STPG2: variants seen among roughly 807,000 people sequenced by gnomAD.
STPG2 encodes the protein sperm-tail PG-rich repeat-containing protein 2.
In STPG2, 56 loss-of-function variants were observed where a neutral mutation model predicts 54.2. That is an observed-to-expected ratio of 1.03 (90% confidence interval 0.83 to 1.29). STPG2 has a LOEUF of 1.29. Ranked by LOEUF, STPG2 falls within the 50% of genes most tolerant of loss-of-function variation. STPG2 has a pLI of 0.00. For synonymous variants in STPG2, 200 were observed against 181.8 expected (o/e 1.10, Z -0.81); for missense variants, 596 against 544.9 (o/e 1.09, Z -0.93).
intron 6 of STPG2, among the ~76,000 whole-genome samples, chr4:97,976,013 C>T (rs1734486242): frequency 1.3e-5 from 2 of 152,262 alleles, no homozygotes; most frequent in South Asian, 4.1e-4. Flanking sequence ...CTTTGGTTCA[C>T]TCCAGATCTA....
At chr4:97,679,083 C>T (rs1248641265) in intron 10 of STPG2, among the ~76,000 whole-genome samples, 4 of 152,120 alleles carry the variant, frequency 2.6e-5, no homozygotes, top group African/African-American at 9.7e-5. Flanking sequence ...CTGCAATAAA[C>T]ATACGTGTGC....
chr4:97,782,500 T>C (rs1342390140), intron 9 of STPG2, among the ~76,000 whole-genome samples: 6 of 152,222 alleles, frequency 3.9e-5, no homozygotes, highest in Non-Finnish European at 5.9e-5. Flanking sequence ...ATGGCGATAC[T>C]GACCAAGGTA....
intron 8 of STPG2, among the ~76,000 whole-genome samples, chr4:97,923,649 T>C (rs1030790699): frequency 8.6e-5 from 13 of 152,026 alleles, no homozygotes; most frequent in African/African-American, 2.7e-4. Flanking sequence ...GTCTAGCTAA[T>C]CTGTTGGGTA....
intron 9 of STPG2, among the ~76,000 whole-genome samples, chr4:97,839,784 G>A (rs1728741878): frequency 6.6e-6 from 1 of 151,664 alleles, no homozygotes; most frequent in South Asian, 2.1e-4. Context: ...CTGGATCTCA[G>A]GCTGTCCAAG....
At chr4:97,763,145 G>T (rs1425629116) in intron 9 of STPG2, among the ~76,000 whole-genome samples, 1 of 152,092 alleles carries the variant, frequency 6.6e-6, no homozygotes, top group Admixed American at 6.6e-5. Flanking sequence ...GGAGGATGTA[G>T]CTAACATATA....
intron 8 of STPG2, among the ~76,000 whole-genome samples, chr4:97,889,716 T>C (rs1405516490): frequency 6.6e-6 from 1 of 152,144 alleles, no homozygotes; most frequent in East Asian, 1.9e-4. Context: ...GGTCAAATGC[T>C]GCAAAATTTC....
chr4:97,558,467 A>C (rs1025449581), downstream of STPG2, among the ~76,000 whole-genome samples: 2 of 152,182 alleles, frequency 1.3e-5, no homozygotes, highest in Admixed American at 1.3e-4. Context: ...GCCTGACTTC[A>C]CTTATTCAAA....
At chr4:97,810,238 G>A (rs1727692979) in intron 9 of STPG2, among the ~76,000 whole-genome samples, 1 of 152,124 alleles carries the variant, frequency 6.6e-6, no homozygotes, top group Non-Finnish European at 1.5e-5. Flanking sequence ...GGCCAAGGCA[G>A]GTGGATCACG....
intron 5 of STPG2, among the ~76,000 whole-genome samples, chr4:98,064,818 A>G (rs541554734): frequency 6.6e-6 from 1 of 152,252 alleles, no homozygotes; most frequent in African/African-American, 2.4e-5. Flanking sequence ...GATTCAACAC[A>G]TGATGACCTT....
chr4:98,004,664 T>A (rs976942526), intron 5 of STPG2, among the ~76,000 whole-genome samples: 1 of 152,194 alleles, frequency 6.6e-6, no homozygotes, highest in Admixed American at 6.5e-5. Flanking sequence ...TCATTTGACT[T>A]TTTGATAATA....
chr4:97,843,175 G>GTATT (rs1553918003), intron 8 of STPG2, among the ~76,000 whole-genome samples: 2 of 147,876 alleles, frequency 1.4e-5, no homozygotes, highest in Non-Finnish European at 3.0e-5. Context: ...TTTTTTGGTG[G>GTATT]TTTTTTTTTT....
intron 8 of STPG2, among the ~76,000 whole-genome samples, chr4:97,891,034 C>T (rs1441239279): frequency 1.3e-5 from 2 of 151,434 alleles, no homozygotes; most frequent in African/African-American, 4.8e-5. Flanking sequence ...AGAACTGAAA[C>T]CAAAAAGTGC....
intron 5 of STPG2, among the ~76,000 whole-genome samples, chr4:98,095,267 A>T (rs144031392): frequency 2.0e-3 from 300 of 152,294 alleles, no homozygotes; most frequent in African/African-American, 7.1e-3. Context: ...GGAAGAGAAG[A>T]CCACAAAACA....
chr4:98,054,943 CT>C (rs1276997405), intron 5 of STPG2, among the ~76,000 whole-genome samples: 1 of 152,136 alleles, frequency 6.6e-6, no homozygotes, highest in Non-Finnish European at 1.5e-5. Context: ...GCACTTAACC[CT>C]TTACTCTCCA....
At chr4:98,058,362 G>A (rs1259938381) in intron 5 of STPG2, among the ~76,000 whole-genome samples, 1 of 152,100 alleles carries the variant, frequency 6.6e-6, no homozygotes. Context: ...AAGGATGGAG[G>A]AAAATCTACC....
chr4:97,906,901 G>T lies in STPG2; in HGVS notation c.1044+36996C>A, dbSNP rs560737169. 2.6e-3 allele frequency among the ~76,000 whole-genome samples: 392 copies of T among 152,110 alleles called. 4 individuals carry two copies. Among genetic ancestry groups the T allele is most frequent in the African/African-American group, 8.8e-3 (367 of 41,488 alleles). ...AAGAGCTATCTATGACAAACCCACAGCCAATCTCATACTGAATGGGCAAAA... is the reference window on the plus strand; with the variant it reads ...AAGAGCTATCTATGACAAACCCACATCCAATCTCATACTGAATGGGCAAAA... On this transcript the variant is annotated intron_variant, in intron 8 of 10. Coordinates refer to ENST00000295268, the MANE Select transcript of STPG2 (RefSeq NM_174952.3).
At chr4:97,546,061 G>T (rs58996528) in intron 4 of STPG2, among the ~76,000 whole-genome samples, 10,251 of 151,900 alleles carry the variant, frequency 0.067, 975 homozygotes, top group African/African-American at 0.21. Flanking sequence ...TACTAAGGTG[G>T]TCAACTTAGT....
In STPG2 at chr4:97,674,278, AAAAAAGAGAAG is replaced by A. The variant is rs372625311; in HGVS notation, c.1320+38410_1320+38420del. On this transcript the variant is annotated intron_variant, in intron 10 of 10. Coordinates refer to ENST00000295268, the MANE Select transcript of STPG2 (RefSeq NM_174952.3). Reference sequence around the variant, plus strand: ...ATTTTTTGAGTCATTGATGATACTGAAAAAAGAGAAGAAAAAGAGAAGAAACAAAAGCAGAA... The same window carrying A: ...ATTTTTTGAGTCATTGATGATACTGAAAAAAGAGAAGAAACAAAAGCAGAA... 3.6e-3 allele frequency among the ~76,000 whole-genome samples: 555 copies of A among 152,320 alleles called. 5 individuals carry two copies. The highest frequency in any genetic ancestry group is 0.013 in the African/African-American group (528 of 41,566).
intron 10 of STPG2, among the ~76,000 whole-genome samples, chr4:97,575,137 G>A (rs1161355103): frequency 6.6e-6 from 1 of 151,680 alleles, no homozygotes; most frequent in Admixed American, 6.6e-5. Context: ...AATTGAATCA[G>A]TGATAAAAAA....
Sources: allele counts gnomAD v4.1 joint callset (sites outside exome capture counted in the v4.1 genomes callset), GRCh38; gene constraint gnomAD v4.1.1; transcripts MANE v1.5; gene names NCBI Gene and HGNC (gene_info 2026-07-23, HGNC 2026-07-21).